KIF5C: variants seen among roughly 807,000 people sequenced by gnomAD.
KIF5C encodes kinesin family member 5C.
Under a neutral mutation model 125.2 loss-of-function variants are expected in KIF5C, and 18 were observed. The observed-to-expected ratio is 0.14, with a 90% CI of 0.10 to 0.21. KIF5C has a LOEUF of 0.21. Ranked by LOEUF, KIF5C falls within the 10% of genes least tolerant of loss-of-function variation. KIF5C has a pLI of 1.00. For missense variants in KIF5C, 780 were observed against 1,183.8 expected, an observed-to-expected ratio of 0.66 and a Z score of 5.01; for synonymous variants, 405 against 434.0, an observed-to-expected ratio of 0.93 and a Z score of 0.83.
intron 12 of KIF5C, among the ~76,000 whole-genome samples, chr2:148,977,948 G>A (rs1483532009): frequency 6.6e-6 from 1 of 152,158 alleles, no homozygotes; most frequent in East Asian, 1.9e-4. Context: ...TTTCTGGGCT[G>A]CTGATGAAAA....
chr2:148,988,547 C>T (rs546446973), intron 15 of KIF5C, among the ~76,000 whole-genome samples: 39 of 152,306 alleles, frequency 2.6e-4, no homozygotes, highest in African/African-American at 8.7e-4. Flanking sequence ...GGCTCAGCAG[C>T]GTTTTCCTAC....
At chr2:148,883,965 T>C (rs1231990446) in intron 1 of KIF5C, 1 of 152,206 alleles carries the variant, frequency 6.6e-6, no homozygotes, top group Admixed American at 6.5e-5. Context: ...GGGAGCAATT[T>C]AGAAATAGCA....
At position 148,949,856 on chromosome 2, in the gene KIF5C, C is replaced by G. The variant is rs550345492; in HGVS notation, c.732C>G (p.Ala244=). ...AGSEKVSKTG[A]EGAVLDEAKN... ...TCTGGTAGGTCAGCAAAACTGGTGC[C>G]GAGGGAGCTGTTCTTGACGAAGCTA... Residue 244 remains alanine (A), a synonymous_variant, in exon 9 of 26, where the codon GCC becomes GCG. Coordinates refer to ENST00000435030, the MANE Select transcript of KIF5C (RefSeq NM_004522.3). The G allele has an allele frequency of 1.2e-6, 2 of 1,613,714 alleles. No homozygotes were observed. Among genetic ancestry groups the G allele is most frequent in the East Asian group, 4.5e-5 (2 of 44,884 alleles).
chr2:148,921,032 G>A (rs1292563034), intron 1 of KIF5C, among the ~76,000 whole-genome samples: 1 of 152,192 alleles, frequency 6.6e-6, no homozygotes. Flanking sequence ...GGCGGTGGTG[G>A]TAGAGAAGAG....
intron 1 of KIF5C, among the ~76,000 whole-genome samples, chr2:148,903,624 G>A (rs73966636): frequency 0.16 from 24,056 of 152,140 alleles, 3,186 homozygotes; most frequent in African/African-American, 0.36. Flanking sequence ...TGTCCAGGTA[G>A]TGTTCCAAGT....
intron 1 of KIF5C, among the ~76,000 whole-genome samples, chr2:148,894,295 G>A (rs1249442795): frequency 6.6e-6 from 1 of 152,186 alleles, no homozygotes; most frequent in Non-Finnish European, 1.5e-5. Context: ...GCCTTGAAAT[G>A]ATTTCTCCTT....
At position 148,978,979 on chromosome 2, in the gene KIF5C, G is replaced by T; in HGVS notation, c.1351G>T (p.Asp451Tyr). The T allele has an allele frequency of 6.3e-7, 1 of 1,590,680 alleles. No homozygotes were observed. Among genetic ancestry groups the T allele is most frequent in the Non-Finnish European group, 8.6e-7 (1 of 1,168,168 alleles). Reference sequence around the variant, plus strand: ...TGAAAAGCTGAAGCAACAGATGTTGGATCAGGATGAGGTAAAGAATGCAAT... The same window carrying T: ...TGAAAAGCTGAAGCAACAGATGTTGTATCAGGATGAGGTAAAGAATGCAAT... ...LAEKLKQQML[D>Y]QDELLASTRR... The change falls in exon 13 of 26, where the codon GAT becomes TAT. Residue 451 changes from aspartate to tyrosine, a missense_variant. Asp to Tyr is a radical substitution (Grantham distance 160). Transcript: ENST00000435030.
Position 149,005,408 on chromosome 2 carries a change from A to G in KIF5C, c.2389A>G (p.Thr797Ala), listed in dbSNP as rs1038138760. Reference protein sequence around the residue: ...LEETVSRELQTLHNLRKLFVQ... With the variant: ...LEETVSRELQALHNLRKLFVQ... ...TCTCTTCCAGTCTAGAGAATTGCAG[A>G]CACTGCACAACCTTCGGAAACTCTT... Residue 797 changes from threonine (T) to alanine (A), a missense_variant, in exon 22 of 26, where the codon ACA becomes GCA. By Grantham distance (58) the Thr-to-Ala change is moderately conservative. Around this residue, in one of 2 missense-constraint regions of KIF5C, gnomAD observed 573 missense variants for 742.6 expected, o/e 0.77. Transcript: ENST00000435030. 3.8e-5 allele frequency: 62 copies of G among 1,613,680 alleles called. No individual in the cohort carries two copies. Among genetic ancestry groups the G allele is most frequent in the Non-Finnish European group, 5.3e-5 (62 of 1,179,816 alleles).
intron 11 of KIF5C, among the ~76,000 whole-genome samples, chr2:148,969,055 A>T (rs893344706): frequency 1.3e-5 from 2 of 152,222 alleles, no homozygotes; most frequent in Non-Finnish European, 2.9e-5. Flanking sequence ...AACTCAACTT[A>T]TGAAAAGGAT....
At chr2:149,021,454 C>T (rs2105215607) in intron 25 of KIF5C, among the ~76,000 whole-genome samples, 1 of 151,764 alleles carries the variant, frequency 6.6e-6, no homozygotes, top group Non-Finnish European at 1.5e-5. Context: ...CCCTTTTTCA[C>T]CCACTTTGCT....
At chr2:148,957,534 T>G (rs1408626932) in intron 10 of KIF5C, among the ~76,000 whole-genome samples, 1 of 151,022 alleles carries the variant, frequency 6.6e-6, no homozygotes, top group African/African-American at 2.4e-5. Context: ...TGAGACCCTC[T>G]TTATTTCACT....
chr2:148,940,031 A>C (rs922825613), intron 4 of KIF5C, among the ~76,000 whole-genome samples: 2 of 152,168 alleles, frequency 1.3e-5, no homozygotes, highest in Admixed American at 6.5e-5. Context: ...CTAGTTTGTG[A>C]CTTTTTTTTA....
At chr2:148,949,019 C>T (rs1196354851) in intron 8 of KIF5C, among the ~76,000 whole-genome samples, 2 of 152,114 alleles carry the variant, frequency 1.3e-5, no homozygotes, top group South Asian at 2.1e-4. Context: ...TTCGAATTTG[C>T]GTAGTTGAAC....
At position 148,931,148 on chromosome 2, in the gene KIF5C, AAACAAC is replaced by A. The variant is rs533357706; in HGVS notation, c.291+1812_291+1817del. ...TTATTACCAAACTATATATAATGCC[AAACAAC>A]AACAACAACAACAACAAAAACAAAA... On this transcript the variant is annotated intron_variant, in intron 3 of 25. Transcript: ENST00000435030. Among the ~76,000 whole-genome samples the A allele has an allele frequency of 4.6e-4, 70 of 152,160 alleles. No individual in the cohort carries two copies. In the East Asian group the frequency reaches 0.012, roughly 25 times the overall value.
chr2:148,990,004 T>A (rs1348974563), intron 15 of KIF5C, among the ~76,000 whole-genome samples: 1 of 152,020 alleles, frequency 6.6e-6, no homozygotes, highest in African/African-American at 2.4e-5. Flanking sequence ...ACGGTTGGAG[T>A]CATTGTCTTT....
intron 1 of KIF5C, among the ~76,000 whole-genome samples, chr2:148,909,026 T>A (rs1216184582): frequency 6.6e-6 from 1 of 152,202 alleles, no homozygotes; most frequent in African/African-American, 2.4e-5. Context: ...AAAAACCGCT[T>A]CTTTCCCAGC....
chr2:148,875,635 A>G lies in KIF5C; in HGVS notation c.18A>G (p.Glu6=). The change falls in exon 1 of 26, where the codon GAA becomes GAG. Residue 6 remains glutamate (E), a synonymous_variant. Transcript: ENST00000435030. ...CGGCCGAGATGGCGGATCCAGCCGAATGCAGCATCAAAGTGATGTGCCGGT... is the reference window on the plus strand; with the variant it reads ...CGGCCGAGATGGCGGATCCAGCCGAGTGCAGCATCAAAGTGATGTGCCGGT... MADPA[E]CSIKVMCRFR... is the part of the protein sequence containing the mutation. The G allele has an allele frequency of 2.1e-6, 3 of 1,449,606 alleles. No individual in the cohort carries two copies. Among genetic ancestry groups the G allele is most frequent in the Non-Finnish European group, 2.8e-6 (3 of 1,084,636 alleles). 89.8% of individuals were successfully genotyped at this position (1,449,606 alleles called of 1,614,324 possible).
chr2:148,898,012 G>C (rs1680736082), intron 1 of KIF5C, among the ~76,000 whole-genome samples: 1 of 148,188 alleles, frequency 6.7e-6, no homozygotes, highest in African/African-American at 2.5e-5. Context: ...AAAGCTCAGG[G>C]TTTGAGGGAG....
At chr2:149,000,299 T>C in intron 19 of KIF5C, 124 bp from the exon 20 acceptor site, 1 of 1,239,006 alleles carries the variant, frequency 8.1e-7, no homozygotes, top group African/African-American at 1.5e-5. Context: ...TCCCTCCAAA[T>C]CCTGCAGAAT....
Sources: gnomAD v4.1 joint callset for allele counts (sites outside exome capture counted in the v4.1 genomes callset) on GRCh38, gnomAD v4.1.1 for gene constraint, gnomAD v4.1.1 regional missense constraint, MANE v1.5 for transcripts, NCBI Gene and HGNC (gene_info 2026-07-23, HGNC 2026-07-21) for gene names.